Variants in CTNNA2 observed in about 807,000 individuals in gnomAD.
The protein encoded by CTNNA2 is catenin alpha 2.
CTNNA2 carries 42 observed loss-of-function variants against 101.0 expected under a neutral mutation model. The observed-to-expected ratio is 0.42, with a 90% confidence interval of 0.32 to 0.54. The LOEUF is 0.54. Among genes scored for constraint, CTNNA2 ranks in the 20% least tolerant of loss-of-function variants. The pLI is 0.14. For missense variants in CTNNA2, 871 were observed against 1,223.1 expected, an observed-to-expected ratio of 0.71 and a Z score of 4.29; for synonymous variants, 450 against 456.4, an observed-to-expected ratio of 0.99 and a Z score of 0.18.
chr2:80,128,556 C>T (rs1702254846), intron 7 of CTNNA2, among the ~76,000 whole-genome samples: 1 of 152,152 alleles, frequency 6.6e-6, no homozygotes, highest in Non-Finnish European at 1.5e-5. Flanking sequence ...CAATGTAAAG[C>T]ACAGTTTGTA....
At chr2:79,597,108 G>C (rs1027934611) in intron 1 of CTNNA2, among the ~76,000 whole-genome samples, 1 of 152,162 alleles carries the variant, frequency 6.6e-6, no homozygotes, top group Admixed American at 6.5e-5. Flanking sequence ...TAAACTGTAC[G>C]TATATGCATG....
At chr2:80,602,494 A>G (rs910727190) in intron 15 of CTNNA2, among the ~76,000 whole-genome samples, 10 of 152,104 alleles carry the variant, frequency 6.6e-5, no homozygotes, top group Non-Finnish European at 8.8e-5. Flanking sequence ...GTTAAGATGA[A>G]GTTACAACAA....
intron 7 of CTNNA2, among the ~76,000 whole-genome samples, chr2:80,233,218 G>A (rs952726310): frequency 6.6e-6 from 1 of 152,100 alleles, no homozygotes; most frequent in East Asian, 1.9e-4. Context: ...GGCCTTGGTA[G>A]TGTTGCAAAA....
intron 3 of CTNNA2, among the ~76,000 whole-genome samples, chr2:79,342,062 C>G (rs1229080367): frequency 1.3e-5 from 2 of 152,132 alleles, no homozygotes; most frequent in African/African-American, 4.8e-5. Context: ...TAGTCATAAA[C>G]TGGGGCAGAG....
At chr2:79,887,856 A>T (rs1322729303) in intron 6 of CTNNA2, among the ~76,000 whole-genome samples, 1 of 152,256 alleles carries the variant, frequency 6.6e-6, no homozygotes, top group South Asian at 2.1e-4. Flanking sequence ...ATGGCAAATT[A>T]AACTCATCAA....
At chr2:79,913,964 G>A (rs1157270297) in intron 7 of CTNNA2, among the ~76,000 whole-genome samples, 7 of 151,788 alleles carry the variant, frequency 4.6e-5, no homozygotes, top group Non-Finnish European at 7.4e-5. Context: ...TCAGGAGATC[G>A]AGACCATCCC....
intron 7 of CTNNA2, among the ~76,000 whole-genome samples, chr2:80,040,375 A>G (rs1695959204): frequency 6.6e-6 from 1 of 152,198 alleles, no homozygotes; most frequent in Non-Finnish European, 1.5e-5. Flanking sequence ...AAATGAGTCA[A>G]CTAAGGCACA....
intron 4 of CTNNA2, among the ~76,000 whole-genome samples, chr2:79,487,821 C>G (rs1333891277): frequency 2.0e-5 from 3 of 152,006 alleles, no homozygotes; most frequent in African/African-American, 4.8e-5. Context: ...CTTTAAGCCA[C>G]CATGTTTTGG....
At chr2:79,538,266 T>C (rs1491002948) in intron 1 of CTNNA2, among the ~76,000 whole-genome samples, 1 of 152,080 alleles carries the variant, frequency 6.6e-6, no homozygotes, top group East Asian at 1.9e-4. Context: ...TATCAGGGTA[T>C]ACTTTTAACC....
intron 2 of CTNNA2, among the ~76,000 whole-genome samples, chr2:79,728,888 A>C (rs1423595036): frequency 2.6e-5 from 4 of 152,032 alleles, no homozygotes; most frequent in Non-Finnish European, 5.9e-5. Flanking sequence ...ATAGTTGTAG[A>C]TATGCGGCGT....
At chr2:80,136,031 A>T (rs995350873) in intron 7 of CTNNA2, among the ~76,000 whole-genome samples, 1 of 152,192 alleles carries the variant, frequency 6.6e-6, no homozygotes, top group Non-Finnish European at 1.5e-5. Context: ...AGTGTGAGAT[A>T]CTAAGTAGGT....
chr2:80,185,928 A>G (rs1198722103), intron 7 of CTNNA2, among the ~76,000 whole-genome samples: 1 of 152,206 alleles, frequency 6.6e-6, no homozygotes, highest in Non-Finnish European at 1.5e-5. Context: ...AGCTGCTGGC[A>G]ACATAAGCCA....
intron 7 of CTNNA2, among the ~76,000 whole-genome samples, chr2:80,250,508 A>C (rs1312958414): frequency 1.3e-5 from 2 of 152,122 alleles, no homozygotes; most frequent in Admixed American, 6.5e-5. Flanking sequence ...GAGAAAAAGG[A>C]GTCAGAGAAG....
At chr2:79,601,682 C>G (rs1323549945) in intron 1 of CTNNA2, among the ~76,000 whole-genome samples, 3 of 152,224 alleles carry the variant, frequency 2.0e-5, no homozygotes, top group African/African-American at 4.8e-5. Flanking sequence ...AAGCATAACA[C>G]TGGTAAAATA....
chr2:80,336,699 G>T (rs1416477334), intron 7 of CTNNA2, among the ~76,000 whole-genome samples: 1 of 152,136 alleles, frequency 6.6e-6, no homozygotes, highest in Non-Finnish European at 1.5e-5. Flanking sequence ...AAAATTGTTT[G>T]CTGTTGAAGA....
chr2:80,016,378 G>A (rs1176566335), intron 7 of CTNNA2, among the ~76,000 whole-genome samples: 1 of 152,062 alleles, frequency 6.6e-6, no homozygotes, highest in East Asian at 1.9e-4. Context: ...AGGAAGGAGG[G>A]GTGAGTTGTG....
chr2:79,869,978 T>A, intron 5 of CTNNA2, 43 bp downstream of exon 5: 1 of 1,606,496 alleles, frequency 6.2e-7, no homozygotes, highest in Non-Finnish European at 8.5e-7. Context: ...AATGGGTGAG[T>A]TTAAATAACC....
chr2:80,333,118 A>G (rs1034834042), intron 7 of CTNNA2, among the ~76,000 whole-genome samples: 4 of 152,174 alleles, frequency 2.6e-5, no homozygotes, highest in Non-Finnish European at 4.4e-5. Flanking sequence ...TAAAATATTT[A>G]CTATTAATAT....
chr2:80,553,245 T>A (rs1340823556), intron 11 of CTNNA2, among the ~76,000 whole-genome samples: 3 of 150,628 alleles, frequency 2.0e-5, no homozygotes, highest in African/African-American at 7.3e-5. Context: ...TAAAATAAAA[T>A]AAAATAAAAT....
Sources: allele counts gnomAD v4.1 joint callset (sites outside exome capture counted in the v4.1 genomes callset), GRCh38; gene constraint gnomAD v4.1.1; transcripts MANE v1.5; gene names NCBI Gene and HGNC (gene_info 2026-07-23, HGNC 2026-07-21).